POMT1: variants seen among roughly 807,000 people sequenced by gnomAD.
The protein encoded by POMT1 is protein O-mannosyl-transferase 1.
POMT1 carries 85 observed loss-of-function variants against 101.6 expected under a neutral mutation model. The observed-to-expected ratio is 0.84, with a 90% CI of 0.70 to 1.00. The LOEUF (loss-of-function observed/expected upper bound fraction) is 1.00, where lower values mean the gene tolerates loss of function less well. Among genes scored for constraint, POMT1 ranks in the 50% least tolerant of loss-of-function variants. POMT1 has a pLI of 0.00. For synonymous variants in POMT1, 371 were observed against 383.0 expected (o/e 0.97, Z 0.37); for missense variants, 857 against 930.4 (o/e 0.92, Z 1.03).
intron 11 of POMT1, among the ~76,000 whole-genome samples, chr9:131,512,813 T>C (rs1375225007): frequency 6.6e-6 from 1 of 152,136 alleles, no homozygotes; most frequent in African/African-American, 2.4e-5. Flanking sequence ...GGTTTCACCA[T>C]GTTGGCCAGG....
Position 131,503,868 on chromosome 9 carries a change from C to T in POMT1, c.-30-321C>T, listed in dbSNP as rs1433123813. Among the ~76,000 whole-genome samples, 2 of 152,080 alleles carry T rather than the reference C, an allele frequency of 1.3e-5. No homozygotes were observed. The highest frequency in any genetic ancestry group is 4.8e-5 in the African/African-American group (2 of 41,402). ...TGTGGCCGCACTGTGGGCTTCTGGT[C>T]GTCGGGGAGGGAGGGGAGAAACCCT... On this transcript the variant is annotated intron_variant, in intron 1 of 19. Coordinates refer to ENST00000402686, the MANE Select transcript of POMT1 (RefSeq NM_001077365.2). The surrounding 1 kb of genome is among the most constrained non-coding windows in gnomAD (Gnocchi z 4.4).
At chr9:131,504,902 C>T (rs574726622) in intron 2 of POMT1, among the ~76,000 whole-genome samples, 78 of 151,766 alleles carry the variant, frequency 5.1e-4, no homozygotes, top group African/African-American at 1.7e-3. Flanking sequence ...CTCAGCCTCC[C>T]GAGTAGCTGA....
intron 13 of POMT1, chr9:131,516,486 G>A (rs1321936108): frequency 6.5e-6 from 1 of 154,818 alleles, no homozygotes; most frequent in Non-Finnish European, 1.4e-5. Flanking sequence ...CTGCCGTTGA[G>A]AATAATCATT....
Position 131,523,195 on chromosome 9 carries a change from C to T in POMT1, c.*89C>T. ...TGTACGTAATGAGCAGGGTGGGCCCCACGCTGGGAGGACACGGGCTGGGCT... is the reference window on the plus strand; with the variant it reads ...TGTACGTAATGAGCAGGGTGGGCCCTACGCTGGGAGGACACGGGCTGGGCT... On this transcript the variant is annotated 3_prime_UTR_variant, in exon 20 of 20. Coordinates refer to ENST00000402686, the MANE Select transcript of POMT1 (RefSeq NM_001077365.2). 2.0e-6 allele frequency: 3 copies of T among 1,507,408 alleles called. No individual in the cohort carries two copies. Among genetic ancestry groups the T allele is most frequent in the Admixed American group, 3.8e-5 (2 of 53,072 alleles). 93.4% of individuals were successfully genotyped at this position (1,507,408 alleles called of 1,614,324 possible). A position where few individuals can be genotyped will look rare whatever the true frequency, so the allele number is the denominator to read the frequency against.
chr9:131,522,399 G>GCT lies in POMT1; in HGVS notation c.2003+176_2003+177insTC. Reference sequence around the variant, plus strand: ...AGAAGAGATGCCCAGATGAGGCACTGCAGGAACCCAGAGGGAGAAGTCGCG... The same window carrying GCT: ...AGAAGAGATGCCCAGATGAGGCACTGCTCAGGAACCCAGAGGGAGAAGTCGCG... On this transcript the variant is annotated intron_variant, in intron 19 of 19. Coordinates refer to ENST00000402686, the MANE Select transcript of POMT1 (RefSeq NM_001077365.2). The surrounding 1 kb of genome is among the most constrained non-coding windows in gnomAD (Gnocchi z 5.5). 2 of 1,319,690 alleles carry GCT rather than the reference G, an allele frequency of 1.5e-6. No homozygotes were observed. The highest frequency in any genetic ancestry group is 2.9e-5 in the South Asian group (2 of 68,438). 81.7% of individuals were successfully genotyped at this position (1,319,690 alleles called of 1,614,324 possible).
intron 5 of POMT1, 124 bp from the exon 6 acceptor site, chr9:131,508,787 A>T: frequency 1.4e-6 from 1 of 723,996 alleles, no homozygotes; most frequent in Non-Finnish European, 2.5e-6. Flanking sequence ...ATGTTTTAAC[A>T]TTCACAACAG....
At chr9:131,518,676 G>C in intron 14 of POMT1, 139 bp downstream of exon 14, 4 of 1,411,458 alleles carry the variant, frequency 2.8e-6, no homozygotes, top group Non-Finnish European at 2.0e-6. Flanking sequence ...ACTGAGGGAG[G>C]GCGGCTTTTG....
At position 131,509,822 on chromosome 9, in the gene POMT1, T is replaced by A; in HGVS notation, c.605+14T>A. ...CTGTGCAGTGGGGTGAGTTTGAGCC[T>A]CTGGTCTTGGGCAGTGTCCTCCTCC... On this transcript the variant is annotated intron_variant, in intron 7 of 19. Transcript: ENST00000402686. The A allele has an allele frequency of 6.2e-7, 1 of 1,614,262 alleles. No homozygotes were observed.
intron 10 of POMT1, 136 bp downstream of exon 10, chr9:131,511,603 T>G: frequency 8.3e-7 from 1 of 1,209,862 alleles, no homozygotes; most frequent in Non-Finnish European, 1.2e-6. Flanking sequence ...GGGTGCTGAT[T>G]GCCAGTGAGC....
In POMT1 at chr9:131,523,573, G is replaced by T; in HGVS notation, c.*467G>T. 1 of 235,576 alleles carries T rather than the reference G, an allele frequency of 4.2e-6. No homozygotes were observed. Among genetic ancestry groups the T allele is most frequent in the East Asian group, 1.0e-4 (1 of 9,688 alleles). 14.6% of individuals were successfully genotyped at this position (235,576 alleles called of 1,614,324 possible). A position where few individuals can be genotyped will look rare whatever the true frequency, so the allele number is the denominator to read the frequency against. On this transcript the variant is annotated 3_prime_UTR_variant, in exon 20 of 20. Transcript: ENST00000402686. ...GGCAGGCGTCCTGGGACAGCTCAGTGTTGGAGGGCCACCTGAACCACGAGC... is the reference window on the plus strand; with the variant it reads ...GGCAGGCGTCCTGGGACAGCTCAGTTTTGGAGGGCCACCTGAACCACGAGC...
In POMT1 at chr9:131,504,198, C is replaced by T. The variant is rs1323320197; in HGVS notation, c.-21C>T. 1 of 1,614,070 alleles carries T rather than the reference C, an allele frequency of 6.2e-7. No homozygotes were observed. Among genetic ancestry groups the T allele is most frequent in the Admixed American group, 1.7e-5 (1 of 60,016 alleles). On this transcript the variant is annotated 5_prime_UTR_variant, in exon 2 of 20. Coordinates refer to ENST00000402686, the MANE Select transcript of POMT1 (RefSeq NM_001077365.2). The stretch of plus-strand genomic sequence containing the variant: ...CTCCCTTCTTTTCTAGGGCGTCTGC[C>T]TGAGCCCGCTTTTCTACAAGATGTG...
chr9:131,506,111 T>C lies in POMT1; in HGVS notation c.123-3T>C. The stretch of plus-strand genomic sequence containing the variant: ...TAATATGGGTTGTTGTTTTTTTTTC[T>C]AGTTTTGACGAAGTATATTATGGGC... On this transcript the variant is annotated splice_polypyrimidine_tract_variant and splice_region_variant and intron_variant, in intron 2 of 19. Transcript: ENST00000402686. 1.2e-6 allele frequency: 2 copies of C among 1,612,498 alleles called. No homozygotes were observed. The highest frequency in any genetic ancestry group is 1.7e-6 in the Non-Finnish European group (2 of 1,178,802).
intron 9 of POMT1, 199 bp from the exon 10 acceptor site, chr9:131,511,138 C>A: frequency 1.7e-6 from 1 of 596,638 alleles, no homozygotes; most frequent in Non-Finnish European, 2.9e-6. Flanking sequence ...GGCCCAGAGG[C>A]AGCATTTGAT....
At position 131,504,170 on chromosome 9, in the gene POMT1, C is replaced by T. The variant is rs1197038855; in HGVS notation, c.-30-19C>T. On this transcript the variant is annotated intron_variant, in intron 1 of 19. Transcript: ENST00000402686. ...TCTCGTGAGCCCTCATGGACCACGG[C>T]TCCTCCCTTCTTTTCTAGGGCGTCT... 2 of 1,613,776 alleles carry T rather than the reference C, an allele frequency of 1.2e-6. No homozygotes were observed. The highest frequency in any genetic ancestry group is 1.7e-5 in the Admixed American group (1 of 60,008).
At chr9:131,506,513 CT>C in intron 4 of POMT1, 60 bp downstream of exon 4, 1 of 1,496,836 alleles carries the variant, frequency 6.7e-7, no homozygotes, top group African/African-American at 1.4e-5. Flanking sequence ...GAGATTGTGA[CT>C]TTTGTAAGGA....
chr9:131,518,809 G>A (rs751965160), intron 14 of POMT1, 28 bp from the exon 15 acceptor site: 25 of 1,613,768 alleles, frequency 1.5e-5, no homozygotes, highest in East Asian at 1.1e-4. Flanking sequence ...TTCCCATCAC[G>A]CCCTTTACTC....
chr9:131,504,626 G>C (rs1379516325), intron 2 of POMT1, among the ~76,000 whole-genome samples: 2 of 152,204 alleles, frequency 1.3e-5, no homozygotes, highest in Non-Finnish European at 2.9e-5. Flanking sequence ...AAGTCTGGAC[G>C]GCAGAGGATT....
Position 131,509,944 on chromosome 9 carries a change from G to T in POMT1, c.647G>T (p.Gly216Val). 1 of 1,614,198 alleles carries T rather than the reference G, an allele frequency of 6.2e-7. No homozygotes were observed. The highest frequency in any genetic ancestry group is 8.5e-7 in the Non-Finnish European group (1 of 1,180,044). ...MGVFTYVLVLGVAAVHAWHLL... is the reference protein window; with the variant it reads ...MGVFTYVLVLVVAAVHAWHLL... ...GTGTTCACGTACGTGCTCGTGCTGG[G>T]TGTTGCAGCTGTCCATGCCTGGCAC... Residue 216 changes from glycine to valine, a missense_variant, in exon 8 of 20, where the codon GGT becomes GTT. Coordinates refer to ENST00000402686, the MANE Select transcript of POMT1 (RefSeq NM_001077365.2).
In POMT1 at chr9:131,523,155, A is replaced by T. The variant is rs1299286746; in HGVS notation, c.*49A>T. 3.8e-6 allele frequency: 6 copies of T among 1,589,594 alleles called. No individual in the cohort carries two copies. In the African/African-American group the frequency reaches 6.7e-5, roughly 18 times the overall value. ...CCGTGCTGGGGTCGGGATGAGGTTG[A>T]AGGGTCTTGGTCAATGTACGTAATG... On this transcript the variant is annotated 3_prime_UTR_variant, in exon 20 of 20. Coordinates refer to ENST00000402686, the MANE Select transcript of POMT1 (RefSeq NM_001077365.2).
Sources: allele counts gnomAD v4.1 joint callset (sites outside exome capture counted in the v4.1 genomes callset), GRCh38; gene constraint gnomAD v4.1.1; non-coding constraint Gnocchi (gnomAD v3.1); transcripts MANE v1.5; gene names NCBI Gene and HGNC (gene_info 2026-07-23, HGNC 2026-07-21).